The following PITRM1 variants were observed in gnomAD, a reference collection of about 807,000 sequenced individuals.
The protein encoded by PITRM1 is pitrilysin metallopeptidase 1.
PITRM1 carries 100 observed loss-of-function variants against 129.9 expected under a neutral mutation model. That is an observed-to-expected ratio of 0.77 (90% CI 0.65 to 0.91). PITRM1 has a LOEUF of 0.91. Ranked by LOEUF, PITRM1 falls within the 40% of genes least tolerant of loss-of-function variation. The pLI is 0.00. For missense variants in PITRM1, 1,471 were observed against 1,318.3 expected (o/e 1.12, Z -1.79); for synonymous variants, 591 against 508.8 (o/e 1.16, Z -2.17).
At chr10:3,171,639 A>T (rs907306168) in intron 1 of PITRM1, among the ~76,000 whole-genome samples, 1 of 152,162 alleles carries the variant, frequency 6.6e-6, no homozygotes, top group African/African-American at 2.4e-5. Flanking sequence ...CAGTTTCACC[A>T]TGTCGGCCAG....
intron 9 of PITRM1, 50 bp from the exon 10 acceptor site, chr10:3,159,092 A>G: frequency 6.6e-7 from 1 of 1,522,440 alleles, no homozygotes; most frequent in Admixed American, 2.0e-5. Context: ...GTAAAGGGAA[A>G]ATTACTGGCC....
Position 3,165,395 on chromosome 10 carries a change from T to TATC in PITRM1, c.533+17_533+18insGAT. ...AATACTAAAGTCTGTATCAACTAGTTAATCATTCATGACATACCAGAAATC... is the reference window on the plus strand; with the variant it reads ...AATACTAAAGTCTGTATCAACTAGTTATCAATCATTCATGACATACCAGAAATC... On this transcript the variant is annotated intron_variant, in intron 5 of 26. Transcript: ENST00000224949. The TATC allele has an allele frequency of 6.2e-7, 1 of 1,607,296 alleles. No individual in the cohort carries two copies. Among genetic ancestry groups the TATC allele is most frequent in the Non-Finnish European group, 8.5e-7 (1 of 1,175,694 alleles).
Position 3,155,492 on chromosome 10 carries a change from G to C in PITRM1, c.1621+99C>G. 6 of 1,458,556 alleles carry C rather than the reference G, an allele frequency of 4.1e-6. 1 individual carries two copies. In the South Asian group the frequency reaches 7.6e-5, roughly 18 times the overall value. 90.4% of individuals were successfully genotyped at this position (1,458,556 alleles called of 1,614,324 possible). A position where few individuals can be genotyped will look rare whatever the true frequency, so the allele number is the denominator to read the frequency against. On this transcript the variant is annotated intron_variant, in intron 14 of 26. Coordinates refer to ENST00000224949, the MANE Select transcript of PITRM1 (RefSeq NM_014889.4). ...TGTTGGCGCCCAGCGGACACCTGTT[G>C]GTTGAAATAATACCTGCCTCCAACT...
chr10:3,138,849 G>A (rs771695842), intron 25 of PITRM1, 55 bp downstream of exon 25: 2 of 1,573,754 alleles, frequency 1.3e-6, no homozygotes, highest in African/African-American at 2.7e-5. Flanking sequence ...TTGGAAAACA[G>A]CAACGTCATC....
chr10:3,141,183 C>A (rs1002499599), intron 23 of PITRM1, among the ~76,000 whole-genome samples: 6 of 152,220 alleles, frequency 3.9e-5, no homozygotes, highest in African/African-American at 1.4e-4. Flanking sequence ...TCAAGTGATC[C>A]TCCTGCCTTC....
chr10:3,159,900 C>T lies in PITRM1; in HGVS notation c.955G>A (p.Ala319Thr). 6.2e-7 allele frequency: 1 copy of T among 1,604,916 alleles called. No homozygotes were observed. Among genetic ancestry groups the T allele is most frequent in the Non-Finnish European group, 8.5e-7 (1 of 1,175,048 alleles). Residue 319 changes from alanine to threonine, a missense_variant, in exon 9 of 27, where the codon GCT becomes ACT. By Grantham distance (58) the Ala-to-Thr change is moderately conservative (BLOSUM62 0). Coordinates refer to ENST00000224949, the MANE Select transcript of PITRM1 (RefSeq NM_014889.4). ...GTTGTTTGTTTAGAGGGATCTGTAG[C>T]AAATGAATCCGGGCCACATGTTATC... ...FQITCGPDSFATDPSKQTTIS... is the reference protein window; with the variant it reads ...FQITCGPDSFTTDPSKQTTIS...
chr10:3,155,337 G>C (rs1282631411), intron 14 of PITRM1, among the ~76,000 whole-genome samples: 1 of 152,216 alleles, frequency 6.6e-6, no homozygotes, highest in Non-Finnish European at 1.5e-5. Flanking sequence ...CCTGATAAAA[G>C]TATTTACAAA....
rs3182535 is a variant in PITRM1, at chr10:3,158,100, G to A, written c.1190C>T (p.Ala397Val). 0.69 allele frequency: 1,112,257 copies of A among 1,606,552 alleles called. 387,477 individuals carry two copies. The highest frequency in any genetic ancestry group is 0.71 in the Non-Finnish European group (835,986 of 1,173,762). The change falls in exon 11 of 27, where the codon GCG becomes GTG. Residue 397 changes from alanine (A) to valine (V), a missense_variant. Coordinates refer to ENST00000224949, the MANE Select transcript of PITRM1 (RefSeq NM_014889.4). ...AYFSVGLQGI[A>V]EKDIETVRSL... ...TCTGACGGTCTCAATGTCTTTCTCC[G>A]CAATCCCTTGGAGGCCGACACTAAA...
Position 3,148,217 on chromosome 10 carries a change from G to A in PITRM1, c.1946C>T (p.Ser649Phe), listed in dbSNP as rs1208304660. 1.2e-6 allele frequency: 2 copies of A among 1,614,010 alleles called. No homozygotes were observed. The highest frequency in any genetic ancestry group is 2.2e-5 in the East Asian group (1 of 44,878). ...TGAGTCGTCGGGGAGCACGTGGGGA[G>A]AAGCACTCATCCCTCCGGTCTTCAA... ...IELKTGGMSA[S>F]PHVLPDDSHM... is the part of the protein sequence containing the mutation. Residue 649 changes from serine to phenylalanine, a missense_variant, in exon 17 of 27, where the codon TCT becomes TTT. Coordinates refer to ENST00000224949, the MANE Select transcript of PITRM1 (RefSeq NM_014889.4).
intron 7 of PITRM1, chr10:3,163,344 A>G (rs771442394): frequency 3.9e-4 from 61 of 157,418 alleles, no homozygotes; most frequent in African/African-American, 1.0e-3. Flanking sequence ...TGCATCCACT[A>G]TTGGAAGAGC....
chr10:3,165,354 A>G lies in PITRM1; in HGVS notation c.534-20T>C. 1 of 1,596,870 alleles carries G rather than the reference A, an allele frequency of 6.3e-7. No homozygotes were observed. Among genetic ancestry groups the G allele is most frequent in the Non-Finnish European group, 8.5e-7 (1 of 1,171,836 alleles). On this transcript the variant is annotated intron_variant, in intron 5 of 26. Transcript: ENST00000224949. ...TCCTGCCTGAGGACAAATCATTATA[A>G]GCTGATAGTGACTCAAATACTAAAG... is the stretch of plus-strand genomic sequence containing the variant.
chr10:3,170,120 C>T lies in PITRM1; in HGVS notation c.143G>A (p.Gly48Glu). 6.2e-7 allele frequency: 1 copy of T among 1,613,254 alleles called. No individual in the cohort carries two copies. The highest frequency in any genetic ancestry group is 1.3e-5 in the African/African-American group (1 of 75,032). ...GACCCATACCTGGTTTACGGTGAAT[C>T]CATGGATCTTGTCTCCTAGTTTATA... ...LQYKLGDKIH[G>E]FTVNQVTSVP... Residue 48 changes from glycine (G) to glutamate (E), a missense_variant, in exon 2 of 27, where the codon GGA (glycine) becomes GAA (glutamate). Coordinates refer to ENST00000224949, the MANE Select transcript of PITRM1 (RefSeq NM_014889.4).
chr10:3,164,066 G>C (rs1184765251), intron 6 of PITRM1, 181 bp from the exon 7 acceptor site: 3 of 393,380 alleles, frequency 7.6e-6, no homozygotes, highest in African/African-American at 4.2e-5. Flanking sequence ...GTTTAACACG[G>C]TATTCAATCA....
chr10:3,151,344 T>C lies in PITRM1; in HGVS notation c.1641A>G (p.Gln547=), dbSNP rs747686155. 7 of 1,607,096 alleles carry C rather than the reference T, an allele frequency of 4.4e-6. No individual in the cohort carries two copies. In the South Asian group the frequency reaches 6.7e-5, roughly 15 times the overall value. Residue 547 remains glutamine, a synonymous_variant, in exon 15 of 27, where the codon CAA becomes CAG. Transcript: ENST00000224949. ...AAGAGGCATCTTGAGGTTTGCTTTG[T>C]TGACTCCGTAATTCTAGACCTAAAA... ...IYEKGLELRS[Q]QSKPQDASCL...
chr10:3,165,504 A>T lies in PITRM1; in HGVS notation c.442T>A (p.Phe148Ile), dbSNP rs573840518. 13 of 1,605,342 alleles carry T rather than the reference A, an allele frequency of 8.1e-6. No homozygotes were observed. The highest frequency in any genetic ancestry group is 3.3e-5 in the Admixed American group (2 of 59,992). ...AAGTCCTTGGGATTTTGTGTGGAAA[A>T]TGGATACAGAGTATAATCACTAGCT... The part of the protein sequence containing the change: ...FTASDYTLYP[F>I]STQNPKDFQN... Residue 148 changes from phenylalanine (F) to isoleucine (I), a missense_variant, in exon 5 of 27, where the codon TTT becomes ATT. By Grantham distance (21) the Phe-to-Ile change is conservative. Coordinates refer to ENST00000224949, the MANE Select transcript of PITRM1 (RefSeq NM_014889.4).
intron 25 of PITRM1, 51 bp from the exon 26 acceptor site, chr10:3,138,388 T>C: frequency 8.0e-7 from 1 of 1,242,660 alleles, no homozygotes; most frequent in Admixed American, 1.7e-5. Flanking sequence ...GAGCTCGCGT[T>C]GTGGGCTGTG....
chr10:3,151,410 G>T (rs760505669), intron 14 of PITRM1, 47 bp from the exon 15 acceptor site: 15 of 1,100,102 alleles, frequency 1.4e-5, no homozygotes, highest in Middle Eastern at 3.9e-4. Flanking sequence ...ATAATTAAAA[G>T]GTTTGATGCA....
chr10:3,154,606 T>C (rs534660562), intron 14 of PITRM1, among the ~76,000 whole-genome samples: 1 of 152,354 alleles, frequency 6.6e-6, no homozygotes, highest in African/African-American at 2.4e-5. Flanking sequence ...ATGATTTATG[T>C]GCCTATTTGC....
intron 13 of PITRM1, among the ~76,000 whole-genome samples, chr10:3,156,271 A>T (rs1236385766): frequency 2.0e-5 from 3 of 152,190 alleles, no homozygotes; most frequent in Non-Finnish European, 1.5e-5. Flanking sequence ...TCAACAATTA[A>T]AAAACTACAC....
Sources: gnomAD v4.1 joint callset for allele counts (sites outside exome capture counted in the v4.1 genomes callset) on GRCh38, gnomAD v4.1.1 for gene constraint, MANE v1.5 for transcripts, NCBI Gene and HGNC (gene_info 2026-07-23, HGNC 2026-07-21) for gene names.